CYP19A1: variants seen among roughly 807,000 people sequenced by gnomAD.
CYP19A1 encodes cytochrome P450 family 19 subfamily A member 1, also known as aromatase.
CYP19A1 carries 32 observed loss-of-function variants against 44.4 expected under a neutral mutation model. The observed-to-expected ratio is 0.72, with a 90% CI of 0.54 to 0.97. The LOEUF (loss-of-function observed/expected upper bound fraction) is 0.97, where lower values mean the gene tolerates loss of function less well. Among genes scored for constraint, CYP19A1 ranks in the 50% least tolerant of loss-of-function variants. The pLI is 0.00. For missense variants in CYP19A1, 598 were observed against 637.8 expected (o/e 0.94, Z 0.67); for synonymous variants, 212 against 215.6 (o/e 0.98, Z 0.14).
intron 3 of CYP19A1, among the ~76,000 whole-genome samples, chr15:51,229,745 G>T (rs1388342078): frequency 6.6e-6 from 1 of 151,970 alleles, no homozygotes; most frequent in Non-Finnish European, 1.5e-5. Flanking sequence ...TATAATTAAA[G>T]CAGAAATTAA....
intron 6 of CYP19A1, among the ~76,000 whole-genome samples, chr15:51,218,047 CA>C (rs2031738886): frequency 6.6e-6 from 1 of 152,164 alleles, no homozygotes; most frequent in African/African-American, 2.4e-5. Flanking sequence ...TACATAATTT[CA>C]AAAACCCACA....
At chr15:51,222,194 C>A in intron 5 of CYP19A1, 155 bp downstream of exon 5, 1 of 1,375,830 alleles carries the variant, frequency 7.3e-7, no homozygotes. Context: ...GTGAACAAAG[C>A]AGAAACACTA....
chr15:51,230,334 AG>A (rs1014457028), intron 3 of CYP19A1, among the ~76,000 whole-genome samples: 1 of 152,192 alleles, frequency 6.6e-6, no homozygotes, highest in African/African-American at 2.4e-5. Context: ...AGGATTTCTT[AG>A]CACTGAGGAG....
intron 1 of CYP19A1, among the ~76,000 whole-genome samples, chr15:51,257,659 A>G (rs969309587): frequency 2.0e-5 from 3 of 152,204 alleles, no homozygotes; most frequent in African/African-American, 7.2e-5. Flanking sequence ...GGTCTCCAGG[A>G]TCAATCCCAC....
intron 1 of CYP19A1, among the ~76,000 whole-genome samples, chr15:51,320,630 C>A (rs1388826051): frequency 6.6e-6 from 1 of 152,174 alleles, no homozygotes; most frequent in Non-Finnish European, 1.5e-5. Context: ...TATGATCTCT[C>A]CTTTTTCCTT....
At position 51,215,923 on chromosome 15, in the gene CYP19A1, A is replaced by C. The variant is rs2304463; in HGVS notation, c.744-106T>G. 0.5 allele frequency: 781,354 copies of C among 1,567,302 alleles called. 200,018 individuals carry two copies. The highest frequency in any genetic ancestry group is 0.53 in the Non-Finnish European group (614,541 of 1,160,028). On this transcript the variant is annotated intron_variant, in intron 6 of 9. Coordinates refer to ENST00000396402, the MANE Select transcript of CYP19A1 (RefSeq NM_000103.4). Reference sequence around the variant, plus strand: ...GTAAAATGATCTGCTTTAATTGAAAACATTGGTGCTTATGAGTAAGTGAAT... The same window carrying C: ...GTAAAATGATCTGCTTTAATTGAAACCATTGGTGCTTATGAGTAAGTGAAT...
At chr15:51,312,038 C>G (rs1164006855) in intron 1 of CYP19A1, among the ~76,000 whole-genome samples, 1 of 152,146 alleles carries the variant, frequency 6.6e-6, no homozygotes, top group Non-Finnish European at 1.5e-5. Context: ...TCTTTTCAAT[C>G]CTTATAATGG....
intron 1 of CYP19A1, among the ~76,000 whole-genome samples, chr15:51,323,060 T>A (rs1356530902): frequency 6.6e-6 from 1 of 152,242 alleles, no homozygotes; most frequent in South Asian, 2.1e-4. Flanking sequence ...CAAGCCTTAG[T>A]TGGCTTGGTT....
intron 4 of CYP19A1, among the ~76,000 whole-genome samples, chr15:51,223,910 C>T (rs1309653666): frequency 3.3e-5 from 5 of 152,084 alleles, no homozygotes; most frequent in African/African-American, 2.4e-5. Flanking sequence ...TCTCCCAGGC[C>T]GATGCATGAT....
intron 1 of CYP19A1, among the ~76,000 whole-genome samples, chr15:51,280,840 C>G (rs1330520969): frequency 6.6e-6 from 1 of 152,218 alleles, no homozygotes; most frequent in African/African-American, 2.4e-5. Flanking sequence ...CCACAGGTAC[C>G]TGGACCACAG....
intron 1 of CYP19A1, among the ~76,000 whole-genome samples, chr15:51,333,507 A>C (rs2036732540): frequency 6.6e-6 from 1 of 152,230 alleles, no homozygotes; most frequent in Admixed American, 6.5e-5. Flanking sequence ...GTTTACTCAT[A>C]CAGCTTTAAG....
intron 1 of CYP19A1, among the ~76,000 whole-genome samples, chr15:51,283,323 T>C (rs547407018): frequency 6.6e-6 from 1 of 152,328 alleles, no homozygotes; most frequent in South Asian, 2.1e-4. Context: ...ATGAATTAGC[T>C]GAAAAACACC....
intron 1 of CYP19A1, among the ~76,000 whole-genome samples, chr15:51,259,849 C>T (rs539789454): frequency 5.3e-4 from 81 of 152,288 alleles, no homozygotes; most frequent in African/African-American, 1.9e-3. Context: ...ATTTATGATT[C>T]ATCCATTTAC....
chr15:51,303,920 A>C (rs1388734240), intron 1 of CYP19A1, among the ~76,000 whole-genome samples: 1 of 152,188 alleles, frequency 6.6e-6, no homozygotes, highest in Non-Finnish European at 1.5e-5. Flanking sequence ...AGCAAGTATA[A>C]AGGAAGAGGC....
At chr15:51,288,357 CA>C (rs2035758302) in intron 1 of CYP19A1, among the ~76,000 whole-genome samples, 1 of 152,164 alleles carries the variant, frequency 6.6e-6, no homozygotes. Flanking sequence ...GCCCACCCCC[CA>C]TAGTCCACCC....
chr15:51,248,888 A>C (rs2034182687), intron 1 of CYP19A1, among the ~76,000 whole-genome samples: 1 of 151,836 alleles, frequency 6.6e-6, no homozygotes, highest in African/African-American at 2.4e-5. Context: ...CCTCTGCTAA[A>C]AACCTTTCTT....
At chr15:51,330,533 G>A (rs1038627554) in intron 1 of CYP19A1, among the ~76,000 whole-genome samples, 2 of 152,160 alleles carry the variant, frequency 1.3e-5, no homozygotes, top group African/African-American at 2.4e-5. Context: ...CTGGTACTTG[G>A]CCCTTTGAGT....
intron 1 of CYP19A1, among the ~76,000 whole-genome samples, chr15:51,282,333 T>A (rs1277515222): frequency 6.6e-6 from 1 of 152,168 alleles, no homozygotes; most frequent in Non-Finnish European, 1.5e-5. Context: ...AAACCCCTCG[T>A]GGCCTCTGGA....
At chr15:51,268,435 T>A (rs962594420) in intron 1 of CYP19A1, among the ~76,000 whole-genome samples, 1 of 152,224 alleles carries the variant, frequency 6.6e-6, no homozygotes, top group African/African-American at 2.4e-5. Context: ...AGTTTGTTCC[T>A]TAACATTGCT....
Sources: gnomAD v4.1 joint callset for allele counts (sites outside exome capture counted in the v4.1 genomes callset) on GRCh38, gnomAD v4.1.1 for gene constraint, MANE v1.5 for transcripts, NCBI Gene and HGNC (gene_info 2026-07-23, HGNC 2026-07-21) for gene names.